The following IDH3B variants were observed in gnomAD, a reference collection of about 807,000 sequenced individuals.
IDH3B encodes isocitrate dehydrogenase [NAD] subunit beta, mitochondrial.
A neutral mutation model predicts 47.5 loss-of-function variants in IDH3B; 40 were observed. The ratio of observed to expected loss-of-function variants is 0.84; its 90% CI spans 0.65 to 1.10. The LOEUF (loss-of-function observed/expected upper bound fraction) is 1.10. Among genes scored for constraint, IDH3B ranks in the 50% least tolerant of loss-of-function variants. The pLI is 0.00. For synonymous variants in IDH3B, 185 were observed against 191.0 expected, an observed-to-expected ratio of 0.97 and a Z score of 0.26; for missense variants, 450 against 505.2, an observed-to-expected ratio of 0.89 and a Z score of 1.05.
chr20:2,658,740 AAT>A lies in IDH3B; in HGVS notation c.*9_*10del. On this transcript the variant is annotated 3_prime_UTR_variant, in exon 12 of 12. Transcript: ENST00000380843. The stretch of plus-strand genomic sequence containing the variant: ...GTGTGGTCCTTGCAAGGTTGGAAGA[AAT>A]AAAGGGCTCTAGCTCCCTTTAGTCT... 6.2e-7 allele frequency: 1 copy of A among 1,614,220 alleles called. No homozygotes were observed. The highest frequency in any genetic ancestry group is 8.5e-7 in the Non-Finnish European group (1 of 1,180,036).
chr20:2,660,846 C>G lies in IDH3B; in HGVS notation c.399-17G>C, dbSNP rs756688017. Reference sequence around the variant, plus strand: ...AACTTACGCCTGAGGGTGGGCAGGGCCATCAGCTCTGCTCCTGGTGCCCTG... The same window carrying G: ...AACTTACGCCTGAGGGTGGGCAGGGGCATCAGCTCTGCTCCTGGTGCCCTG... On this transcript the variant is annotated splice_polypyrimidine_tract_variant and intron_variant, in intron 5 of 11. Transcript: ENST00000380843. This position sits in a 1 kb window ranked among gnomAD's most constrained non-coding sequence, Gnocchi z 5.6. 6.2e-7 allele frequency: 1 copy of G among 1,614,220 alleles called. No homozygotes were observed. The highest frequency in any genetic ancestry group is 1.7e-5 in the Admixed American group (1 of 60,026).
Position 2,663,981 on chromosome 20 carries a change from C to T in IDH3B, c.61G>A (p.Gly21Arg), listed in dbSNP as rs776363683. Residue 21 changes from glycine to arginine, a missense_variant, in exon 2 of 12, where the codon GGG (glycine) becomes AGG (arginine). Transcript: ENST00000380843. ...GAGGTACTCAGACCTCTCCATGCCC[C>T]AGGGTTCCCGGCGGAGACCAGCGCC... ...TRALVSAGNP[G>R]AWRGLSTSAA... 3.1e-6 allele frequency: 5 copies of T among 1,614,060 alleles called. No homozygotes were observed. The highest frequency in any genetic ancestry group is 4.2e-6 in the Non-Finnish European group (5 of 1,180,042).
rs756015906 is a variant in IDH3B, at chr20:2,660,636, CAAG to C, written c.532-49_532-47del. 2 of 1,614,018 alleles carry C rather than the reference CAAG, an allele frequency of 1.2e-6. No individual in the cohort carries two copies. Among genetic ancestry groups the C allele is most frequent in the Non-Finnish European group, 8.5e-7 (1 of 1,180,018 alleles). Reference sequence around the variant, plus strand: ...AGCTAGGTGACACTGGGAAGGGAAACAAGGAGCTCCACCTCTCTCCCATCTTCA... The same window carrying C: ...AGCTAGGTGACACTGGGAAGGGAAACGAGCTCCACCTCTCTCCCATCTTCA... On this transcript the variant is annotated intron_variant, in intron 6 of 11. Coordinates refer to ENST00000380843, the MANE Select transcript of IDH3B (RefSeq NM_006899.5). This position sits in a 1 kb window ranked among gnomAD's most constrained non-coding sequence, Gnocchi z 5.6.
chr20:2,664,142 C>T lies in IDH3B; in HGVS notation c.36+11G>A. 2 of 1,613,086 alleles carry T rather than the reference C, an allele frequency of 1.2e-6. No homozygotes were observed. The highest frequency in any genetic ancestry group is 1.7e-6 in the Non-Finnish European group (2 of 1,179,632). ...TCGCCCGCCCCTGCCCGACATGTCC[C>T]GGGGCCTCACTCGGGTCAGCCAGCG... On this transcript the variant is annotated intron_variant, in intron 1 of 11. Transcript: ENST00000380843.
rs746209011 is a variant in IDH3B at position 2,659,594 on chromosome 20, A to G, written c.1011-9T>C. On this transcript the variant is annotated splice_polypyrimidine_tract_variant and intron_variant, in intron 10 of 11. Transcript: ENST00000380843. ...TGGAGTGATACTCAAGACTGTGGAT[A>G]TGGACAGGAAGAAACTGTGACTCCC... 8.1e-6 allele frequency: 13 copies of G among 1,614,130 alleles called. No individual in the cohort carries two copies. The South Asian group carries it at 1.2e-4, about 15-fold the overall frequency.
Position 2,664,000 on chromosome 20 carries a change from C to G in IDH3B, c.42G>C (p.Leu14=), listed in dbSNP as rs374822227. The part of the protein sequence containing the change: ...LSGVRWLTRA[L]VSAGNPGAWR... ...ATGCCCCAGGGTTCCCGGCGGAGAC[C>G]AGCGCCTGCAACAGGGACACACAAG... Residue 14 remains leucine (L), a synonymous_variant, in exon 2 of 12, where the codon CTG becomes CTC. Transcript: ENST00000380843. The G allele has an allele frequency of 1.9e-6, 3 of 1,614,024 alleles. No homozygotes were observed. Among genetic ancestry groups the G allele is most frequent in the African/African-American group, 1.3e-5 (1 of 74,926 alleles).
intron 3 of IDH3B, 43 bp from the exon 4 acceptor site, chr20:2,663,609 C>T (rs753232330): frequency 6.2e-7 from 1 of 1,614,198 alleles, no homozygotes; most frequent in South Asian, 1.1e-5. Flanking sequence ...AAGGCCAAGT[C>T]CTTTCCAACA....
At chr20:2,662,643 AC>A (rs2086968434) in intron 4 of IDH3B, among the ~76,000 whole-genome samples, 2 of 152,118 alleles carry the variant, frequency 1.3e-5, no homozygotes, top group East Asian at 3.9e-4. Flanking sequence ...ACATGGTAAA[AC>A]CCTCTCTCTA....
rs190437460 is a variant in IDH3B, at chr20:2,659,056, G to A, written c.1072-219C>T. 4,648 of 1,085,280 alleles carry A rather than the reference G, an allele frequency of 4.3e-3. 121 individuals carry two copies. In the African/African-American group the frequency reaches 0.11, roughly 25 times the overall value. The allele number at this position is 1,085,280 out of a possible 1,614,324, so 67.2% of individuals were successfully genotyped here. The stretch of plus-strand genomic sequence containing the variant: ...TGCTGCAGCCAGGGCAGGACAGGAG[G>A]CTGAGCAGGCAAAGATGATGGGAAA... On this transcript the variant is annotated intron_variant, in intron 11 of 11. Transcript: ENST00000380843.
chr20:2,661,034 T>C lies in IDH3B; in HGVS notation c.338-65A>G, dbSNP rs554044769. On this transcript the variant is annotated intron_variant, in intron 4 of 11. Transcript: ENST00000380843. The stretch of plus-strand genomic sequence containing the variant: ...CCAAGCCCAAGGGAACTCAGACCAG[T>C]GTCTAACCCCCTTAGGAACATCATG... The C allele has an allele frequency of 2.9e-6, 4 of 1,360,234 alleles. No homozygotes were observed. In the East Asian group the frequency reaches 9.2e-5, roughly 31 times the overall value. 84.3% of individuals were successfully genotyped at this position (1,360,234 alleles called of 1,614,324 possible). A position where few individuals can be genotyped will look rare whatever the true frequency, so the allele number is the denominator to read the frequency against.
At position 2,658,811 on chromosome 20, in the gene IDH3B, G is replaced by A. The variant is rs2086873291; in HGVS notation, c.1098C>T (p.Tyr366=). Residue 366 remains tyrosine (Y), a synonymous_variant, in exon 12 of 12, where the codon TAC becomes TAT. Coordinates refer to ENST00000380843, the MANE Select transcript of IDH3B (RefSeq NM_006899.5). The stretch of plus-strand genomic sequence containing the variant: ...ACTTGATGAAGTCGGTTGTGGTGCT[G>A]TAGCCGCCCATGTCTCGAGTCCGCA... The part of the protein sequence containing the change: ...GKVRTRDMGG[Y]STTTDFIKSV... 2 of 1,614,064 alleles carry A rather than the reference G, an allele frequency of 1.2e-6. No individual in the cohort carries two copies. Among genetic ancestry groups the A allele is most frequent in the African/African-American group, 1.3e-5 (1 of 74,914 alleles).
In IDH3B at chr20:2,658,828, G is replaced by C. The variant is rs762623115; in HGVS notation, c.1081C>G (p.Arg361Gly). Reference sequence around the variant, plus strand: ...GTGGTGCTGTAGCCGCCCATGTCTCGAGTCCGCACCTACAGCCACCACCGG... The same window carrying C: ...GTGGTGCTGTAGCCGCCCATGTCTCCAGTCCGCACCTACAGCCACCACCGG... ...KVIKVGKVRT[R>G]DMGGYSTTTD... is the part of the protein sequence containing the mutation. The change falls in exon 12 of 12, where the codon CGA becomes GGA. Residue 361 changes from arginine to glycine, a missense_variant. Arg to Gly is a moderately radical substitution (Grantham distance 125, BLOSUM62 -2). Transcript: ENST00000380843. 4 of 1,614,092 alleles carry C rather than the reference G, an allele frequency of 2.5e-6. No homozygotes were observed. The highest frequency in any genetic ancestry group is 1.1e-5 in the South Asian group (1 of 91,080).
chr20:2,659,219 G>T, intron 11 of IDH3B: 1 of 1,439,874 alleles, frequency 6.9e-7, no homozygotes, highest in Non-Finnish European at 9.1e-7. Context: ...ATCCCTTGCT[G>T]TTCCACCCCC....
rs1297618791 is a variant in IDH3B, at chr20:2,659,554, C to T, written c.1042G>A (p.Ala348Thr). The T allele has an allele frequency of 1.2e-6, 2 of 1,614,146 alleles. No individual in the cohort carries two copies. Among genetic ancestry groups the T allele is most frequent in the African/African-American group, 2.7e-5 (2 of 74,952 alleles). ...CCAACTTTGATCACCTTCTTCACCG[C>T]ATCTGCGATCATGCTGGAGTGATAC... ...LEYHSSMIAD[A>T]VKKVIKVGKV... The change falls in exon 11 of 12, where the codon GCG becomes ACG. Residue 348 changes from alanine to threonine, a missense_variant. Ala to Thr is a moderately conservative substitution (Grantham distance 58). Coordinates refer to ENST00000380843, the MANE Select transcript of IDH3B (RefSeq NM_006899.5).
chr20:2,660,401 A>G lies in IDH3B; in HGVS notation c.666-36T>C, dbSNP rs1263874439. 6.2e-7 allele frequency: 1 copy of G among 1,614,106 alleles called. No individual in the cohort carries two copies. The highest frequency in any genetic ancestry group is 8.5e-7 in the Non-Finnish European group (1 of 1,180,002). On this transcript the variant is annotated intron_variant, in intron 7 of 11. Coordinates refer to ENST00000380843, the MANE Select transcript of IDH3B (RefSeq NM_006899.5). This position sits in a 1 kb window ranked among gnomAD's most constrained non-coding sequence, Gnocchi z 5.6. Reference sequence around the variant, plus strand: ...GCCAAAGGGGACAGAATCAGCCAAGAAAGTACAGGGGCTACCTTCCCAGGA... The same window carrying G: ...GCCAAAGGGGACAGAATCAGCCAAGGAAGTACAGGGGCTACCTTCCCAGGA...
rs756805558 is a variant in IDH3B at position 2,660,042 on chromosome 20, T to G, written c.903A>C (p.Ala301=). The G allele has an allele frequency of 6.2e-7, 1 of 1,614,068 alleles. No homozygotes were observed. The highest frequency in any genetic ancestry group is 1.1e-5 in the South Asian group (1 of 91,082). Residue 301 remains alanine (A), a synonymous_variant, in exon 9 of 12, where the codon GCA becomes GCC. Coordinates refer to ENST00000380843, the MANE Select transcript of IDH3B (RefSeq NM_006899.5). This position sits in a 1 kb window ranked among gnomAD's most constrained non-coding sequence, Gnocchi z 5.6. ...AAAGCAGCCTCACCGTCTCAAAGAC[T>G]GCGTATTCTGCACTATAGCTCTCAC... ...VPGESYSAEY[A]VFETGARHPF... is the part of the protein sequence containing the mutation.
At chr20:2,663,137 G>A (rs2086978291) in intron 4 of IDH3B, among the ~76,000 whole-genome samples, 1 of 145,194 alleles carries the variant, frequency 6.9e-6, no homozygotes, top group Admixed American at 6.7e-5. Context: ...GAGGAAGGAA[G>A]GGAGGGGAAA....
Position 2,663,696 on chromosome 20 carries a change from C to A in IDH3B, c.180G>T (p.Gly60=). 1.2e-6 allele frequency: 2 copies of A among 1,614,182 alleles called. No individual in the cohort carries two copies. Among genetic ancestry groups the A allele is most frequent in the Non-Finnish European group, 8.5e-7 (1 of 1,180,032 alleles). ...PVTMLPGDGV[G]PELMHAVKEV... is the part of the protein sequence containing the mutation. The stretch of plus-strand genomic sequence containing the variant: ...CCTTGACGGCGTGCATCAGCTCAGG[C>A]CCCACACCGTCTCCCGGAAGCATGG... The change falls in exon 3 of 12, where the codon GGG becomes GGT. Residue 60 remains glycine (G), a synonymous_variant. Coordinates refer to ENST00000380843, the MANE Select transcript of IDH3B (RefSeq NM_006899.5).
At chr20:2,661,192 T>TGTGTGTGTGTGC (rs2086941256) in intron 4 of IDH3B, among the ~76,000 whole-genome samples, 1 of 151,478 alleles carries the variant, frequency 6.6e-6, no homozygotes, top group South Asian at 2.1e-4. Context: ...TGTGTGTGTG[T>TGTGTGTGTGTGC]GTGTGTGTGT....
Sources: allele counts gnomAD v4.1 joint callset (sites outside exome capture counted in the v4.1 genomes callset), GRCh38; gene constraint gnomAD v4.1.1; non-coding constraint Gnocchi (gnomAD v3.1); transcripts MANE v1.5; gene names NCBI Gene and HGNC (gene_info 2026-07-23, HGNC 2026-07-21).